The following ZBTB16 variants were observed in gnomAD, a reference collection of about 807,000 sequenced individuals.
The protein encoded by ZBTB16 is zinc finger and BTB domain containing 16.
A neutral mutation model predicts 56.8 loss-of-function variants in ZBTB16; 8 were observed. That is an observed-to-expected ratio of 0.14 (90% CI 0.08 to 0.25). ZBTB16 has a LOEUF of 0.25. Among genes scored for constraint, ZBTB16 ranks in the 10% least tolerant of loss-of-function variants. The pLI is 1.00. For synonymous variants in ZBTB16, 363 were observed against 368.5 expected, an observed-to-expected ratio of 0.98 and a Z score of 0.17; for missense variants, 625 against 903.0, an observed-to-expected ratio of 0.69 and a Z score of 3.95.
intron 4 of ZBTB16, among the ~76,000 whole-genome samples, chr11:114,202,830 C>T (rs1943766266): frequency 1.3e-5 from 2 of 152,146 alleles, no homozygotes; most frequent in South Asian, 4.1e-4. Flanking sequence ...GCAGGTATCA[C>T]TTATTTGGAA....
At chr11:114,171,021 TG>T (rs1159678853) in intron 3 of ZBTB16, among the ~76,000 whole-genome samples, 1 of 152,170 alleles carries the variant, frequency 6.6e-6, no homozygotes, top group Non-Finnish European at 1.5e-5. Flanking sequence ...AGAGCACTGC[TG>T]GGGGGCCAGT....
chr11:114,193,322 A>G (rs914984379), intron 4 of ZBTB16, among the ~76,000 whole-genome samples: 6 of 152,150 alleles, frequency 3.9e-5, no homozygotes, highest in African/African-American at 1.4e-4. Flanking sequence ...ACCAAGGTGG[A>G]TGCTTTGAGA....
At chr11:114,242,382 A>C in intron 5 of ZBTB16, 45 bp downstream of exon 5, 1 of 1,606,706 alleles carries the variant, frequency 6.2e-7, no homozygotes, top group South Asian at 1.1e-5. Context: ...TCTGGGAGCC[A>C]GCGTCTATAT....
chr11:114,187,356 G>A (rs1401220833), intron 4 of ZBTB16: 1 of 390,412 alleles, frequency 2.6e-6, no homozygotes, highest in Non-Finnish European at 4.7e-6. Flanking sequence ...AGTCTGTGTT[G>A]TTATCAAAAC....
At chr11:114,209,956 G>C (rs1306404925) in intron 4 of ZBTB16, 2 of 985,240 alleles carry the variant, frequency 2.0e-6, no homozygotes, top group Non-Finnish European at 2.4e-6. Context: ...TTCTAGCCCT[G>C]GTGCTGCTAC....
rs907335423 is a variant in ZBTB16 at position 114,255,015 on chromosome 11, T to C, written c.*4460T>C. Among the ~76,000 whole-genome samples, 6 of 152,170 alleles carry C rather than the reference T, an allele frequency of 3.9e-5. No individual in the cohort carries two copies. Among genetic ancestry groups the C allele is most frequent in the African/African-American group, 1.4e-4 (6 of 41,430 alleles). ...GGTACCAGCCTCCTGGTGTGTATCA[T>C]AGGATTTGTTCACATAGTGTTATGC... On this transcript the variant is annotated 3_prime_UTR_variant, in exon 7 of 7. Coordinates refer to ENST00000335953, the MANE Select transcript of ZBTB16 (RefSeq NM_006006.6).
chr11:114,204,653 G>T (rs917566896), intron 4 of ZBTB16, among the ~76,000 whole-genome samples: 1 of 152,010 alleles, frequency 6.6e-6, no homozygotes, highest in Non-Finnish European at 1.5e-5. Flanking sequence ...GACCTTCCAG[G>T]GGCTCCAGGC....
At chr11:114,081,297 A>G (rs527611278) in intron 2 of ZBTB16, among the ~76,000 whole-genome samples, 3 of 152,026 alleles carry the variant, frequency 2.0e-5, no homozygotes, top group East Asian at 1.9e-4. Context: ...ATGTACATCA[A>G]CTCCTTAGGA....
intron 3 of ZBTB16, among the ~76,000 whole-genome samples, chr11:114,167,206 T>G (rs1942781886): frequency 6.7e-6 from 1 of 148,558 alleles, no homozygotes; most frequent in Non-Finnish European, 1.5e-5. Context: ...CGGGCCATTA[T>G]GGATTTGTGG....
In ZBTB16 at chr11:114,140,138, G is replaced by A. The variant is rs111442108; in HGVS notation, c.1269-16199G>A. ...TCCTTTGCCTGGCCCCAGGCTGGCT[G>A]CCCCTTTTTCTGGAATGATGCTGTT... On this transcript the variant is annotated intron_variant, in intron 2 of 6. Coordinates refer to ENST00000335953, the MANE Select transcript of ZBTB16 (RefSeq NM_006006.6). 9.9e-3 allele frequency among the ~76,000 whole-genome samples: 1,512 copies of A among 152,254 alleles called. 21 individuals carry two copies. The highest frequency in any genetic ancestry group is 0.033 in the African/African-American group (1,387 of 41,544).
At chr11:114,083,793 C>A (rs1163458699) in intron 2 of ZBTB16, among the ~76,000 whole-genome samples, 1 of 152,030 alleles carries the variant, frequency 6.6e-6, no homozygotes, top group African/African-American at 2.4e-5. Flanking sequence ...TTGATGCCGC[C>A]CCCCCGCCCC....
At chr11:114,108,766 A>G (rs1940892317) in intron 2 of ZBTB16, among the ~76,000 whole-genome samples, 1 of 152,238 alleles carries the variant, frequency 6.6e-6, no homozygotes, top group Non-Finnish European at 1.5e-5. Context: ...TCAGCTTTAC[A>G]GAGAAGTTCA....
rs777960008 is a variant in ZBTB16, at chr11:114,254,021, TG to T, written c.*3468del. Among the ~76,000 whole-genome samples the T allele has an allele frequency of 1.5e-4, 23 of 152,180 alleles. No homozygotes were observed. The highest frequency in any genetic ancestry group is 6.2e-4 in the South Asian group (3 of 4,828). On this transcript the variant is annotated 3_prime_UTR_variant, in exon 7 of 7. Coordinates refer to ENST00000335953, the MANE Select transcript of ZBTB16 (RefSeq NM_006006.6). ...CTTCTCCAGCCTGGCAAGGCCACGTTGGTTAATAGTCCCTTTCCCATGTCCA... is the reference window on the plus strand; with the variant it reads ...CTTCTCCAGCCTGGCAAGGCCACGTTGTTAATAGTCCCTTTCCCATGTCCA...
intron 2 of ZBTB16, among the ~76,000 whole-genome samples, chr11:114,088,196 T>A (rs986294707): frequency 4.7e-5 from 7 of 148,534 alleles, no homozygotes; most frequent in Non-Finnish European, 1.0e-4. Flanking sequence ...GGCTGGAGTG[T>A]AGTGGCATGA....
chr11:114,231,763 G>A (rs1944445456), intron 4 of ZBTB16, among the ~76,000 whole-genome samples: 1 of 152,174 alleles, frequency 6.6e-6, no homozygotes, highest in African/African-American at 2.4e-5. Context: ...AGGCTGTGAA[G>A]TCTGACTTTG....
chr11:114,119,263 TC>T (rs1269419016), intron 2 of ZBTB16, among the ~76,000 whole-genome samples: 3 of 34,366 alleles, frequency 8.7e-5, no homozygotes, highest in Non-Finnish European at 1.4e-4. Context: ...AAACTCTGTC[TC>T]AAAAAAAAAA....
chr11:114,083,301 A>G (rs1179483285), intron 2 of ZBTB16, among the ~76,000 whole-genome samples: 3 of 152,246 alleles, frequency 2.0e-5, no homozygotes, highest in Non-Finnish European at 4.4e-5. Flanking sequence ...CAAATAAAAC[A>G]AACAGTTCCT....
In ZBTB16 at chr11:114,090,208, G is replaced by A. The variant is rs560548619; in HGVS notation, c.1268+25640G>A. Reference sequence around the variant, plus strand: ...ATTCTGTTCCCTGCCAGGATATTCTGTGGATGGTTAGGGGAGGGGTCTTAC... The same window carrying A: ...ATTCTGTTCCCTGCCAGGATATTCTATGGATGGTTAGGGGAGGGGTCTTAC... On this transcript the variant is annotated intron_variant, in intron 2 of 6. Coordinates refer to ENST00000335953, the MANE Select transcript of ZBTB16 (RefSeq NM_006006.6). Among the ~76,000 whole-genome samples the A allele has an allele frequency of 6.6e-5, 10 of 152,352 alleles. No homozygotes were observed. In the South Asian group the frequency reaches 2.1e-3, roughly 32 times the overall value.
chr11:114,249,035 G>A (rs1017794634), intron 6 of ZBTB16, among the ~76,000 whole-genome samples: 4 of 152,128 alleles, frequency 2.6e-5, no homozygotes, highest in African/African-American at 9.7e-5. Flanking sequence ...GGACTCTATG[G>A]AAGGAAAGTT....
Sources: allele counts gnomAD v4.1 joint callset (sites outside exome capture counted in the v4.1 genomes callset), GRCh38; gene constraint gnomAD v4.1.1; transcripts MANE v1.5; gene names NCBI Gene and HGNC (gene_info 2026-07-23, HGNC 2026-07-21).